Variants in RGS7 observed in about 807,000 individuals in gnomAD.
RGS7 encodes regulator of G protein signaling 7, also known as regulator of G-protein signaling 7.
Under a neutral mutation model 81.1 loss-of-function variants are expected in RGS7, and 27 were observed. That is an observed-to-expected ratio of 0.33 (90% CI 0.25 to 0.46). The LOEUF (loss-of-function observed/expected upper bound fraction) is 0.46. RGS7 is among the 20% of genes least tolerant of loss of function. The pLI, the probability that RGS7 is intolerant of heterozygous loss-of-function variation, is 1.00. For synonymous variants in RGS7, 208 were observed against 207.7 expected, an observed-to-expected ratio of 1.00 and a Z score of -0.01; for missense variants, 396 against 607.4, an observed-to-expected ratio of 0.65 and a Z score of 3.66.
intron 9 of RGS7, among the ~76,000 whole-genome samples, chr1:240,853,816 G>T (rs553404679): frequency 5.5e-4 from 81 of 148,164 alleles, no homozygotes; most frequent in Non-Finnish European, 9.5e-4. Context: ...CAGGAGAATG[G>T]CGTGAACCCG....
At chr1:241,078,915 G>A (rs540698076) in intron 3 of RGS7, among the ~76,000 whole-genome samples, 4 of 152,120 alleles carry the variant, frequency 2.6e-5, no homozygotes, top group South Asian at 2.1e-4. Context: ...CTCTACCACC[G>A]GTATGTACTC....
At chr1:240,776,515 C>T (rs1023569837) in intron 18 of RGS7, among the ~76,000 whole-genome samples, 2 of 152,092 alleles carry the variant, frequency 1.3e-5, no homozygotes, top group Non-Finnish European at 2.9e-5. Flanking sequence ...AAAACATATC[C>T]ATAAATGCTC....
intron 2 of RGS7, among the ~76,000 whole-genome samples, chr1:241,300,739 T>TGTGTGGACATGTTTCC (rs1187911839): frequency 6.6e-6 from 1 of 152,250 alleles, no homozygotes; most frequent in East Asian, 1.9e-4. Flanking sequence ...CACAGGTTTT[T>TGTGTGGACATGTTTCC]GTGTGGACAT....
chr1:240,866,327 C>T (rs1195273026), intron 9 of RGS7, among the ~76,000 whole-genome samples: 12 of 151,988 alleles, frequency 7.9e-5, no homozygotes, highest in Admixed American at 3.9e-4. Context: ...CTTGCTAACA[C>T]GGTGAAACCC....
In RGS7 at chr1:240,811,934, T is replaced by C. The variant is rs1440917101; in HGVS notation, c.1066A>G (p.Ser356Gly). 6.2e-7 allele frequency: 1 copy of C among 1,613,092 alleles called. No individual in the cohort carries two copies. Among genetic ancestry groups the C allele is most frequent in the Non-Finnish European group, 8.5e-7 (1 of 1,179,026 alleles). The change falls in exon 14 of 19, where the codon AGC becomes GGC. Residue 356 changes from serine to glycine, a missense_variant. Coordinates refer to ENST00000440928, the MANE Select transcript of RGS7 (RefSeq NM_001364886.1). Reference sequence around the variant, plus strand: ...GTGTTTTACCTTAAATTTTCCGAGCTGAATTCTGACTCTAGAAATTTAAGG... The same window carrying C: ...GTGTTTTACCTTAAATTTTCCGAGCCGAATTCTGACTCTAGAAATTTAAGG... ...QFLKFLESEF[S>G]SENLRFWLAV...
rs535935448 is a variant in RGS7, at chr1:241,035,525, T to C, written c.176-52396A>G. Among the ~76,000 whole-genome samples the C allele has an allele frequency of 9.9e-5, 15 of 152,242 alleles. 1 individual carries two copies. Among genetic ancestry groups the C allele is most frequent in the Admixed American group, 8.5e-4 (13 of 15,280 alleles). Reference sequence around the variant, plus strand: ...TGTGGTGGGCTTTCTCGATGACATCTCTCAGAGTGGCTGAGAATTCTAAGG... The same window carrying C: ...TGTGGTGGGCTTTCTCGATGACATCCCTCAGAGTGGCTGAGAATTCTAAGG... On this transcript the variant is annotated intron_variant, in intron 3 of 18. Transcript: ENST00000440928.
chr1:241,093,042 C>T (rs1274899153), intron 3 of RGS7, among the ~76,000 whole-genome samples: 1 of 151,968 alleles, frequency 6.6e-6, no homozygotes, highest in Non-Finnish European at 1.5e-5. Context: ...AGTTTATCTT[C>T]AAAGACACAA....
chr1:241,355,108 T>C lies in RGS7; in HGVS notation c.78+591A>G, dbSNP rs192264262. 4.3e-4 allele frequency among the ~76,000 whole-genome samples: 66 copies of C among 152,312 alleles called. 2 individuals are homozygous for C. Among genetic ancestry groups the C allele is most frequent in the Admixed American group, 3.6e-3 (55 of 15,296 alleles). ...CTGCAAGATAAATATTATTTAATGA[T>C]TTAATAGGCATACGGCACTAGAATA... On this transcript the variant is annotated intron_variant, in intron 2 of 18. Transcript: ENST00000440928.
chr1:240,833,806 CT>C (rs111809271), intron 9 of RGS7, among the ~76,000 whole-genome samples: 275 of 144,058 alleles, frequency 1.9e-3, no homozygotes, highest in Middle Eastern at 3.6e-3. Context: ...AGTCTCAGGA[CT>C]TTTTTTTTTT....
chr1:240,776,060 C>A lies in RGS7; in HGVS notation c.*160G>T. 1 of 893,444 alleles carries A rather than the reference C, an allele frequency of 1.1e-6. No individual in the cohort carries two copies. Among genetic ancestry groups the A allele is most frequent in the South Asian group, 1.3e-5 (1 of 76,120 alleles). The allele number at this position is 893,444 out of a possible 1,614,324, so 55.3% of individuals were successfully genotyped here. A position where few individuals can be genotyped will look rare whatever the true frequency, so the allele number is the denominator to read the frequency against. ...AAAATAACAATTTAGGTCCTTTGCTCATGCAACATCTTGTTCTAATGTCCT... is the reference window on the plus strand; with the variant it reads ...AAAATAACAATTTAGGTCCTTTGCTAATGCAACATCTTGTTCTAATGTCCT... On this transcript the variant is annotated 3_prime_UTR_variant, in exon 19 of 19. Coordinates refer to ENST00000440928, the MANE Select transcript of RGS7 (RefSeq NM_001364886.1).
intron 9 of RGS7, among the ~76,000 whole-genome samples, chr1:240,859,440 G>GTTTTTTTTTTTTTTTTTTTTT (rs5782167): frequency 2.7e-5 from 3 of 110,828 alleles, no homozygotes; most frequent in Non-Finnish European, 3.6e-5. Flanking sequence ...TTTCTTTCCT[G>GTTTTTTTTTTTTTTTTTTTTT]TTTTTTTTTT....
chr1:240,973,246 G>A (rs1017768848), intron 4 of RGS7, among the ~76,000 whole-genome samples: 7 of 152,122 alleles, frequency 4.6e-5, no homozygotes, highest in Admixed American at 1.3e-4. Flanking sequence ...AAGGCTGGGG[G>A]CCATGGCTCA....
At chr1:241,327,759 C>T (rs1040103976) in intron 2 of RGS7, among the ~76,000 whole-genome samples, 1 of 152,274 alleles carries the variant, frequency 6.6e-6, no homozygotes, top group East Asian at 1.9e-4. Context: ...TATGACTATA[C>T]ATTTACAGAT....
At chr1:240,907,380 T>C (rs1670988298) in intron 6 of RGS7, among the ~76,000 whole-genome samples, 2 of 151,864 alleles carry the variant, frequency 1.3e-5, no homozygotes, top group African/African-American at 4.8e-5. Context: ...AAATACTAAA[T>C]ACTAAATAGT....
At chr1:240,957,960 G>A (rs1355688637) in intron 4 of RGS7, among the ~76,000 whole-genome samples, 1 of 152,156 alleles carries the variant, frequency 6.6e-6, no homozygotes, top group Non-Finnish European at 1.5e-5. Context: ...CAGACCCAGT[G>A]ACCCTTCTTC....
intron 3 of RGS7, among the ~76,000 whole-genome samples, chr1:241,059,838 T>C (rs1196991712): frequency 6.6e-6 from 1 of 152,192 alleles, no homozygotes; most frequent in Admixed American, 6.5e-5. Context: ...ACTGATCCTC[T>C]TTGCACAAAA....
intron 4 of RGS7, among the ~76,000 whole-genome samples, chr1:240,972,812 G>C (rs2148515927): frequency 7.3e-6 from 1 of 137,260 alleles, no homozygotes; most frequent in Middle Eastern, 4.5e-3. Flanking sequence ...CTTGAGACCA[G>C]AGTTTGAGGC....
rs1692962191 is a variant in RGS7 at position 240,827,045 on chromosome 1, C to T, written c.684+53G>A. The T allele has an allele frequency of 4.3e-6, 6 of 1,397,048 alleles. No individual in the cohort carries two copies. In the East Asian group the frequency reaches 9.1e-5, roughly 21 times the overall value. The allele number at this position is 1,397,048 out of a possible 1,614,324, so 86.5% of individuals were successfully genotyped here. On this transcript the variant is annotated intron_variant, in intron 10 of 18. Coordinates refer to ENST00000440928, the MANE Select transcript of RGS7 (RefSeq NM_001364886.1). The stretch of plus-strand genomic sequence containing the variant: ...AGAAAGTGTTTTTATGGCTGACGTC[C>T]TGTAAACAATGCAATCCATCACCAA...
At chr1:241,161,069 T>C (rs962806344) in intron 2 of RGS7, among the ~76,000 whole-genome samples, 12 of 104,944 alleles carry the variant, frequency 1.1e-4, no homozygotes, top group East Asian at 6.9e-4. Flanking sequence ...CCTGTAGAAA[T>C]GATTTAAGAA....
Sources: allele counts gnomAD v4.1 joint callset (sites outside exome capture counted in the v4.1 genomes callset), GRCh38; gene constraint gnomAD v4.1.1; transcripts MANE v1.5; gene names NCBI Gene and HGNC (gene_info 2026-07-23, HGNC 2026-07-21).